NEK1: variants seen among roughly 807,000 people sequenced by gnomAD.
The protein encoded by NEK1 is serine/threonine-protein kinase Nek1.
A neutral mutation model predicts 182.1 loss-of-function variants in NEK1; 137 were observed. The observed-to-expected ratio is 0.75, with a 90% CI of 0.65 to 0.87. NEK1 has a LOEUF of 0.87. Among genes scored for constraint, NEK1 ranks in the 40% least tolerant of loss-of-function variants. The pLI is 0.00. For missense variants in NEK1, 1,391 were observed against 1,494.4 expected, an observed-to-expected ratio of 0.93 and a Z score of 1.14; for synonymous variants, 513 against 492.2, an observed-to-expected ratio of 1.04 and a Z score of -0.56.
At chr4:169,440,205 G>A (rs1355178603) in intron 27 of NEK1, among the ~76,000 whole-genome samples, 3 of 148,990 alleles carry the variant, frequency 2.0e-5, no homozygotes, top group Non-Finnish European at 3.0e-5. Flanking sequence ...TATAAAAAAG[G>A]GCAGAGAATA....
At chr4:169,511,677 G>C (rs775218608) in intron 19 of NEK1, among the ~76,000 whole-genome samples, 26 of 150,404 alleles carry the variant, frequency 1.7e-4, no homozygotes, top group Middle Eastern at 3.2e-3. Context: ...TTTGTGCCGT[G>C]CATCTACACA....
intron 19 of NEK1, among the ~76,000 whole-genome samples, chr4:169,519,060 T>G (rs1237182054): frequency 2.3e-5 from 1 of 42,706 alleles, no homozygotes; most frequent in Non-Finnish European, 3.7e-5. Flanking sequence ...CTGGGTATCC[T>G]TGTTGACTTT....
chr4:169,463,754 A>C (rs1053809755), intron 26 of NEK1, among the ~76,000 whole-genome samples: 1 of 152,178 alleles, frequency 6.6e-6, no homozygotes, highest in African/African-American at 2.4e-5. Context: ...GTGCATATAC[A>C]TAACGAGAAT....
At position 169,393,432 on chromosome 4, in the gene NEK1, T is replaced by C. The variant is rs1199506364; in HGVS notation, c.*1078A>G. On this transcript the variant is annotated 3_prime_UTR_variant, in exon 36 of 36. Transcript: ENST00000507142. ...ATTTTATTTTTCAAATTACATATTA[T>C]GCCAACCAGCCTGCTTTGGACTCAG... The C allele has an allele frequency of 6.6e-6, 1 of 152,220 alleles. No homozygotes were observed. Among genetic ancestry groups the C allele is most frequent in the African/African-American group, 2.4e-5 (1 of 41,462 alleles). The allele number at this position is 152,220 out of a possible 1,614,324, so 9.4% of individuals were successfully genotyped here. A position where few individuals can be genotyped will look rare whatever the true frequency, so the allele number is the denominator to read the frequency against.
intron 18 of NEK1, among the ~76,000 whole-genome samples, chr4:169,543,940 T>C (rs1011707244): frequency 2.0e-5 from 3 of 152,200 alleles, no homozygotes; most frequent in Non-Finnish European, 2.9e-5. Context: ...CAGAGACAAT[T>C]TGACTTCCTC....
In NEK1 at chr4:169,513,966, G is replaced by GTTATTTATTTATTTATTTATTTAT. The variant is rs35041721; in HGVS notation, c.1666-5138_1666-5115dup. On this transcript the variant is annotated intron_variant, in intron 19 of 35. Transcript: ENST00000507142. ...TACTAAAATTTTATTGAGGATTTTT[G>GTTATTTATTTATTTATTTATTTAT]TTATTTATTTATTTATTTATTTATT... is the stretch of plus-strand genomic sequence containing the variant. Among the ~76,000 whole-genome samples the GTTATTTATTTATTTATTTATTTAT allele has an allele frequency of 9.1e-4, 131 of 144,628 alleles. 3 individuals carry two copies. Among genetic ancestry groups the GTTATTTATTTATTTATTTATTTAT allele is most frequent in the African/African-American group, 2.8e-3 (108 of 38,070 alleles). The allele number at this position is 144,628 out of a possible 152,430, so 94.9% of individuals were successfully genotyped here.
intron 12 of NEK1, among the ~76,000 whole-genome samples, chr4:169,568,419 A>G (rs1015015604): frequency 6.6e-6 from 1 of 152,212 alleles, no homozygotes; most frequent in Non-Finnish European, 1.5e-5. Flanking sequence ...AACATAAAAC[A>G]TATTTCCAAA....
At position 169,479,779 on chromosome 4, in the gene NEK1, T is replaced by C. The variant is rs1580047834; in HGVS notation, c.2008-245A>G. 2.0e-5 allele frequency among the ~76,000 whole-genome samples: 3 copies of C among 152,176 alleles called. No individual in the cohort carries two copies. In the South Asian group the frequency reaches 6.2e-4, roughly 32 times the overall value. On this transcript the variant is annotated intron_variant, in intron 23 of 35. Coordinates refer to ENST00000507142, the MANE Select transcript of NEK1 (RefSeq NM_001199397.3). ...CATAGTCCTAAATAACCCGCTTTCA[T>C]TGCATTATCAATGTTTCATGAAATG...
intron 23 of NEK1, among the ~76,000 whole-genome samples, chr4:169,506,083 A>G (rs1005072404): frequency 8.1e-5 from 12 of 147,710 alleles, no homozygotes; most frequent in African/African-American, 2.0e-4. Context: ...AATATGATTG[A>G]AAAAAAAAAA....
intron 7 of NEK1, 24 bp from the exon 8 acceptor site, chr4:169,588,759 G>A: frequency 7.0e-7 from 1 of 1,430,442 alleles, no homozygotes; most frequent in Non-Finnish European, 9.6e-7. Context: ...AAAATTATTG[G>A]AGAAGTTAAA....
At chr4:169,526,446 G>T (rs1756916646) in intron 19 of NEK1, among the ~76,000 whole-genome samples, 2 of 152,052 alleles carry the variant, frequency 1.3e-5, no homozygotes, top group East Asian at 3.9e-4. Context: ...CTACAGATTT[G>T]CAACACTGCA....
At chr4:169,568,994 G>A (rs1416326844) in intron 12 of NEK1, among the ~76,000 whole-genome samples, 1 of 149,984 alleles carries the variant, frequency 6.7e-6, no homozygotes, top group African/African-American at 2.5e-5. Context: ...ACAAAATTTA[G>A]TAAAATTAAA....
intron 12 of NEK1, among the ~76,000 whole-genome samples, chr4:169,567,307 A>G (rs1163725092): frequency 6.6e-6 from 1 of 152,114 alleles, no homozygotes; most frequent in East Asian, 1.9e-4. Flanking sequence ...ACATAAAACA[A>G]AATTTATCAT....
chr4:169,493,591 G>A (rs143632920), intron 23 of NEK1, among the ~76,000 whole-genome samples: 284 of 152,212 alleles, frequency 1.9e-3, no homozygotes, highest in African/African-American at 6.7e-3. Context: ...TATTAACAAA[G>A]AACCAAACAG....
chr4:169,566,829 T>TGTG (rs1037858339), intron 12 of NEK1, among the ~76,000 whole-genome samples: 1 of 151,854 alleles, frequency 6.6e-6, no homozygotes, highest in Non-Finnish European at 1.5e-5. Context: ...AAAGGCCGTG[T>TGTG]GTGGTGGCTC....
chr4:169,595,969 T>C (rs1769411501), intron 5 of NEK1, among the ~76,000 whole-genome samples: 1 of 150,532 alleles, frequency 6.6e-6, no homozygotes, highest in African/African-American at 2.4e-5. Flanking sequence ...AACCAATACT[T>C]ACATAGTGCT....
intron 35 of NEK1, 54 bp from the exon 36 acceptor site, chr4:169,394,577 T>A (rs1730385091): frequency 1.1e-5 from 12 of 1,101,712 alleles, no homozygotes; most frequent in South Asian, 7.6e-5. Context: ...GTATCTACTT[T>A]AAAAAAAACC....
In NEK1 at chr4:169,602,097, C is replaced by T; in HGVS notation, c.125G>A (p.Ser42Asn). 6.2e-7 allele frequency: 1 copy of T among 1,610,662 alleles called. No homozygotes were observed. Among genetic ancestry groups the T allele is most frequent in the Non-Finnish European group, 8.5e-7 (1 of 1,177,210 alleles). ...IKEINISRMS[S>N]KEREESRREV... ...TCTCCTTGATTCTTCTCTTTCTTTACTGGACATCTTAAATGGGAGGAAAAA... is the reference window on the plus strand; with the variant it reads ...TCTCCTTGATTCTTCTCTTTCTTTATTGGACATCTTAAATGGGAGGAAAAA... The change falls in exon 4 of 36, where the codon AGT becomes AAT. Residue 42 changes from serine (S) to asparagine (N), a missense_variant. Ser to Asn is a conservative substitution (Grantham distance 46). Coordinates refer to ENST00000507142, the MANE Select transcript of NEK1 (RefSeq NM_001199397.3).
chr4:169,566,184 A>G (rs559551409), intron 12 of NEK1, among the ~76,000 whole-genome samples: 44 of 152,340 alleles, frequency 2.9e-4, no homozygotes, highest in Admixed American at 9.8e-4. Flanking sequence ...TGGATTATAT[A>G]TATATTACAC....
Sources: gnomAD v4.1 joint callset for allele counts (sites outside exome capture counted in the v4.1 genomes callset) on GRCh38, gnomAD v4.1.1 for gene constraint, MANE v1.5 for transcripts, NCBI Gene and HGNC (gene_info 2026-07-23, HGNC 2026-07-21) for gene names.